Variants in MYO16 observed in about 807,000 individuals in gnomAD.
MYO16 encodes myosin XVI.
MYO16 carries 94 observed loss-of-function variants against 205.3 expected under a neutral mutation model. That is an observed-to-expected ratio of 0.46 (90% CI 0.39 to 0.54). The LOEUF (loss-of-function observed/expected upper bound fraction) is 0.54. Ranked by LOEUF, MYO16 falls within the 20% of genes least tolerant of loss-of-function variation. The pLI is 0.00. For synonymous variants in MYO16, 988 were observed against 954.0 expected (o/e 1.04, Z -0.66); for missense variants, 2,315 against 2,387.5 (o/e 0.97, Z 0.63).
intron 2 of MYO16, among the ~76,000 whole-genome samples, chr13:108,695,731 A>T (rs1225114685): frequency 6.6e-6 from 1 of 152,190 alleles, no homozygotes; most frequent in African/African-American, 2.4e-5. Context: ...AAAATTTTAT[A>T]TTCACTTGGT....
chr13:108,941,048 A>C (rs1323447180), intron 16 of MYO16, among the ~76,000 whole-genome samples: 1 of 152,180 alleles, frequency 6.6e-6, no homozygotes, highest in Non-Finnish European at 1.5e-5. Context: ...TTTCACACCA[A>C]CAACAAAAAC....
At chr13:108,801,659 G>A (rs1037393335) in intron 6 of MYO16, among the ~76,000 whole-genome samples, 16 of 152,126 alleles carry the variant, frequency 1.1e-4, no homozygotes, top group Non-Finnish European at 2.1e-4. Flanking sequence ...GACCCAAGTC[G>A]GTGCTCATCC....
chr13:108,617,661 GAAAT>G (rs1219975750), intron 1 of MYO16, among the ~76,000 whole-genome samples: 1 of 152,098 alleles, frequency 6.6e-6, no homozygotes, highest in Non-Finnish European at 1.5e-5. Flanking sequence ...AAATAAAGAA[GAAAT>G]AAATAGAGAC....
chr13:109,078,979 C>A (rs1888200528), intron 27 of MYO16, among the ~76,000 whole-genome samples: 1 of 152,140 alleles, frequency 6.6e-6, no homozygotes, highest in South Asian at 2.1e-4. Context: ...CTGCTTATGA[C>A]TTGAGAGGGA....
upstream of MYO16, among the ~76,000 whole-genome samples, chr13:108,626,976 TTA>T (rs202056449): frequency 3.4e-5 from 5 of 145,020 alleles, no homozygotes; most frequent in Non-Finnish European, 6.0e-5. Context: ...ATATTATATA[TTA>T]TATATATATA....
intron 23 of MYO16, among the ~76,000 whole-genome samples, chr13:109,029,463 C>T (rs1376828149): frequency 6.6e-6 from 1 of 152,046 alleles, no homozygotes; most frequent in Non-Finnish European, 1.5e-5. Flanking sequence ...TGTCCTTTAC[C>T]TCCCTGGAGA....
intron 28 of MYO16, among the ~76,000 whole-genome samples, chr13:109,110,671 T>G (rs1360891732): frequency 6.6e-6 from 1 of 152,208 alleles, no homozygotes; most frequent in Non-Finnish European, 1.5e-5. Context: ...GGCTGAACAT[T>G]AGAATTTTTC....
intron 16 of MYO16, among the ~76,000 whole-genome samples, chr13:108,946,594 A>G (rs1328959672): frequency 1.3e-5 from 2 of 152,244 alleles, no homozygotes; most frequent in Non-Finnish European, 2.9e-5. Context: ...AAACAAGTTC[A>G]TGACATTTAA....
chr13:108,768,521 C>G (rs1453482907), intron 4 of MYO16, among the ~76,000 whole-genome samples: 1 of 152,112 alleles, frequency 6.6e-6, no homozygotes, highest in Non-Finnish European at 1.5e-5. Context: ...TAATTTTGGT[C>G]AAATTAATTT....
chr13:109,076,701 G>C (rs770499696), intron 27 of MYO16, among the ~76,000 whole-genome samples: 2 of 152,166 alleles, frequency 1.3e-5, no homozygotes, highest in Non-Finnish European at 2.9e-5. Context: ...CTAAGAGAGT[G>C]GGGTGGACCT....
rs1876315374 is a variant in MYO16 at position 109,127,445 on chromosome 13, A to G, written c.3946A>G (p.Lys1316Glu). Reference protein sequence around the residue: ...DDSSSLPSPRKQPPPKPKRDP... With the variant: ...DDSSSLPSPREQPPPKPKRDP... The stretch of plus-strand genomic sequence containing the variant: ...CAGCAGCAGCCTCCCGTCTCCACGG[A>G]AACAGCCCCCGCCCAAGCCAAAGAG... The change falls in exon 31 of 35, where the codon AAA becomes GAA. Residue 1316 changes from lysine (K) to glutamate (E), a missense_variant. Physicochemically the swap from Lys to Glu is moderately conservative, Grantham distance 56 (BLOSUM62 1). Around this residue, in one of 3 missense-constraint regions of MYO16, gnomAD observed 1,097 missense variants for 1,092.0 expected, o/e 1.00. Transcript: ENST00000457511. The surrounding 1 kb of genome is among the most constrained non-coding windows in gnomAD (Gnocchi z 4.2). The G allele has an allele frequency of 6.2e-7, 1 of 1,613,984 alleles. No individual in the cohort carries two copies. The highest frequency in any genetic ancestry group is 8.5e-7 in the Non-Finnish European group (1 of 1,180,032).
chr13:109,195,594 C>T (rs984468522), intron 34 of MYO16, among the ~76,000 whole-genome samples: 3 of 152,034 alleles, frequency 2.0e-5, no homozygotes, highest in East Asian at 1.9e-4. Context: ...AGTAGAAATG[C>T]GATTTGCATT....
intron 17 of MYO16, among the ~76,000 whole-genome samples, chr13:108,958,398 T>C (rs1028051104): frequency 7.2e-5 from 11 of 151,970 alleles, no homozygotes; most frequent in Non-Finnish European, 7.4e-5. Context: ...AAACATCTTC[T>C]TGAACAATAT....
intron 20 of MYO16, among the ~76,000 whole-genome samples, chr13:108,982,161 T>C (rs1320382457): frequency 6.6e-6 from 1 of 152,174 alleles, no homozygotes; most frequent in East Asian, 1.9e-4. Flanking sequence ...AGGACTAATA[T>C]AGGACATGAG....
In MYO16 at chr13:108,927,979, A is replaced by G. The variant is rs150775497; in HGVS notation, c.1925+17829A>G. Among the ~76,000 whole-genome samples, 5 of 152,378 alleles carry G rather than the reference A, an allele frequency of 3.3e-5. No homozygotes were observed. In the East Asian group the frequency reaches 9.6e-4, roughly 29 times the overall value. ...TAAAGGGGCCAGGAATTGCCCAGCAATGGCTCTGCCTGAAGCACTAGGGTA... is the reference window on the plus strand; with the variant it reads ...TAAAGGGGCCAGGAATTGCCCAGCAGTGGCTCTGCCTGAAGCACTAGGGTA... On this transcript the variant is annotated intron_variant, in intron 16 of 34. Coordinates refer to ENST00000457511, the MANE Select transcript of MYO16 (RefSeq NM_001198950.3).
chr13:108,818,593 T>C (rs554590088), intron 7 of MYO16, among the ~76,000 whole-genome samples: 37 of 152,078 alleles, frequency 2.4e-4, no homozygotes, highest in Non-Finnish European at 3.5e-4. Context: ...TTGGTTCTTG[T>C]AAGCATTAAT....
At chr13:109,131,042 C>T (rs895536515) in intron 31 of MYO16, among the ~76,000 whole-genome samples, 1 of 151,978 alleles carries the variant, frequency 6.6e-6, no homozygotes, top group African/African-American at 2.4e-5. Flanking sequence ...CATCTAGTAA[C>T]GTGTCACAAA....
rs750116764 is a variant in MYO16 at position 108,647,684 on chromosome 13, C to A, written c.28+17812C>A. On this transcript the variant is annotated intron_variant, in intron 1 of 34. Coordinates refer to ENST00000457511, the MANE Select transcript of MYO16 (RefSeq NM_001198950.3). ...GCACAGAATCTCTAAGTACTAAATT[C>A]TCTTTATGTATGAGTTAACTTAGCA... 2.0e-4 allele frequency among the ~76,000 whole-genome samples: 30 copies of A among 152,194 alleles called. No homozygotes were observed. The South Asian group carries it at 3.5e-3, about 18-fold the overall frequency.
intron 9 of MYO16, among the ~76,000 whole-genome samples, chr13:108,836,057 G>T (rs1876900493): frequency 6.6e-6 from 1 of 152,168 alleles, no homozygotes; most frequent in Admixed American, 6.5e-5. Flanking sequence ...CTTCACAGCA[G>T]CCCCTCTCAT....
Sources: gnomAD v4.1 joint callset for allele counts (sites outside exome capture counted in the v4.1 genomes callset) on GRCh38, gnomAD v4.1.1 for gene constraint, gnomAD v4.1.1 regional missense constraint, Gnocchi (gnomAD v3.1) non-coding constraint, MANE v1.5 for transcripts, NCBI Gene and HGNC (gene_info 2026-07-23, HGNC 2026-07-21) for gene names.